Variants in PSMD14 observed in about 807,000 individuals in gnomAD.
PSMD14 encodes ubiquitin C-terminal hydrolase PSMD14.
PSMD14 carries 7 observed loss-of-function variants against 41.2 expected under a neutral mutation model. The observed-to-expected ratio is 0.17, with a 90% CI of 0.10 to 0.32. PSMD14 has a LOEUF of 0.32. Among genes scored for constraint, PSMD14 ranks in the 10% least tolerant of loss-of-function variants. The pLI is 1.00. For synonymous variants in PSMD14, 114 were observed against 122.3 expected (o/e 0.93, Z 0.45); for missense variants, 139 against 375.6 (o/e 0.37, Z 5.21).
chr2:161,321,782 C>G lies in PSMD14; in HGVS notation c.48+2909C>G, dbSNP rs1355039121. 2.6e-5 allele frequency among the ~76,000 whole-genome samples: 4 copies of G among 152,176 alleles called. No homozygotes were observed. In the East Asian group the frequency reaches 7.7e-4, roughly 29 times the overall value. On this transcript the variant is annotated intron_variant, in intron 3 of 11. Coordinates refer to ENST00000409682, the MANE Select transcript of PSMD14 (RefSeq NM_005805.6). ...TAGGAGGACCAGTGAAATGAAGACACACAGGATGGGGTCTGGGAGGAGATG... is the reference window on the plus strand; with the variant it reads ...TAGGAGGACCAGTGAAATGAAGACAGACAGGATGGGGTCTGGGAGGAGATG...
intron 8 of PSMD14, among the ~76,000 whole-genome samples, chr2:161,388,800 C>T (rs1559052695): frequency 6.6e-6 from 1 of 152,012 alleles, no homozygotes. Flanking sequence ...ATATATAATC[C>T]GTAAGCCGTG....
chr2:161,360,187 A>C (rs999660423), intron 3 of PSMD14, among the ~76,000 whole-genome samples: 1 of 124,354 alleles, frequency 8.0e-6, no homozygotes. Context: ...ATATATATGC[A>C]TGTATTTTTT....
intron 8 of PSMD14, among the ~76,000 whole-genome samples, chr2:161,389,883 T>TG (rs1683684947): frequency 2.0e-5 from 1 of 50,480 alleles, no homozygotes; most frequent in Non-Finnish European, 3.8e-5. Flanking sequence ...TTCTTTCTTT[T>TG]TTGTTGTTTT....
Position 161,367,919 on chromosome 2 carries a change from G to T in PSMD14, c.240+16G>T. 6.2e-7 allele frequency: 1 copy of T among 1,604,442 alleles called. No individual in the cohort carries two copies. Among genetic ancestry groups the T allele is most frequent in the Non-Finnish European group, 8.5e-7 (1 of 1,175,328 alleles). Reference sequence around the variant, plus strand: ...GTCAGGAACAGTGAGTACTTTTATGGTTGCCTGCTGCAAGTAAATGTGTTT... The same window carrying T: ...GTCAGGAACAGTGAGTACTTTTATGTTTGCCTGCTGCAAGTAAATGTGTTT... On this transcript the variant is annotated intron_variant, in intron 5 of 11. Transcript: ENST00000409682.
rs560900528 is a variant in PSMD14 at position 161,311,588 on chromosome 2, A to G, written c.-138+2984A>G. Among the ~76,000 whole-genome samples, 27 of 150,022 alleles carry G rather than the reference A, an allele frequency of 1.8e-4. No homozygotes were observed. In the South Asian group the frequency reaches 5.3e-3, roughly 29 times the overall value. On this transcript the variant is annotated intron_variant, in intron 1 of 11. Transcript: ENST00000409682. ...ATGGATGCTGAAATTAGGAGACTCC[A>G]TAATAGATTATTATGATGAGTCTGT...
intron 10 of PSMD14, among the ~76,000 whole-genome samples, chr2:161,400,650 C>G (rs1458194477): frequency 6.6e-6 from 1 of 152,118 alleles, no homozygotes; most frequent in Non-Finnish European, 1.5e-5. Flanking sequence ...ACCTCTTGGG[C>G]TCAAGCAATC....
intron 3 of PSMD14, among the ~76,000 whole-genome samples, chr2:161,342,548 CT>C (rs1282103093): frequency 6.6e-6 from 1 of 151,172 alleles, no homozygotes; most frequent in African/African-American, 2.4e-5. Flanking sequence ...CTATTTGGAT[CT>C]TTATTTAACC....
intron 3 of PSMD14, among the ~76,000 whole-genome samples, chr2:161,343,589 A>G (rs1682997927): frequency 6.6e-6 from 1 of 152,142 alleles, no homozygotes. Flanking sequence ...GCACTTTGGG[A>G]GGCCAAGGTG....
intron 3 of PSMD14, among the ~76,000 whole-genome samples, chr2:161,344,184 T>G (rs1683009588): frequency 6.6e-6 from 1 of 152,094 alleles, no homozygotes; most frequent in Non-Finnish European, 1.5e-5. Context: ...ATGACTATAC[T>G]CAGAAGTGAA....
intron 10 of PSMD14, among the ~76,000 whole-genome samples, chr2:161,400,463 A>G (rs755756683): frequency 2.0e-5 from 3 of 152,232 alleles, no homozygotes; most frequent in Non-Finnish European, 2.9e-5. Context: ...GGCCACTTAT[A>G]CATGGATTTT....
intron 7 of PSMD14, chr2:161,384,479 T>A (rs1347231788): frequency 6.6e-6 from 1 of 151,740 alleles, no homozygotes; most frequent in Non-Finnish European, 1.5e-5. Context: ...ACAAATCTAG[T>A]TGACACAGCT....
At chr2:161,371,024 C>A in intron 6 of PSMD14, 148 bp from the exon 7 acceptor site, 2 of 826,024 alleles carry the variant, frequency 2.4e-6, no homozygotes, top group Non-Finnish European at 3.7e-6. Context: ...ATATGGTGTA[C>A]AATTTCAGGG....
intron 8 of PSMD14, among the ~76,000 whole-genome samples, chr2:161,386,146 A>T: frequency 6.6e-6 from 1 of 151,872 alleles, no homozygotes; most frequent in East Asian, 1.9e-4. Context: ...CAGACACTTA[A>T]TATCCTCTTG....
chr2:161,368,003 C>A, intron 5 of PSMD14, 100 bp downstream of exon 5: 1 of 1,314,520 alleles, frequency 7.6e-7, no homozygotes, highest in Non-Finnish European at 1.0e-6. Context: ...TTTCTCTTTC[C>A]AGTAGGAAAA....
At chr2:161,377,639 G>T (rs1683520775) in intron 7 of PSMD14, among the ~76,000 whole-genome samples, 1 of 151,824 alleles carries the variant, frequency 6.6e-6, no homozygotes, top group Non-Finnish European at 1.5e-5. Context: ...TTAACCTAGA[G>T]CTTCTATATT....
intron 11 of PSMD14, among the ~76,000 whole-genome samples, chr2:161,410,016 T>C (rs1197802846): frequency 6.6e-6 from 1 of 152,058 alleles, no homozygotes; most frequent in Non-Finnish European, 1.5e-5. Context: ...TTGATACAGA[T>C]TTAAAGCAGC....
At chr2:161,387,632 C>T (rs1158831301) in intron 8 of PSMD14, among the ~76,000 whole-genome samples, 2 of 151,830 alleles carry the variant, frequency 1.3e-5, no homozygotes, top group African/African-American at 4.8e-5. Flanking sequence ...GATTATAAAA[C>T]AGAATATATC....
intron 10 of PSMD14, among the ~76,000 whole-genome samples, chr2:161,399,268 G>A (rs553059379): frequency 3.1e-4 from 47 of 152,128 alleles, no homozygotes; most frequent in Middle Eastern, 3.4e-3. Context: ...GAATATTAAC[G>A]TGAGCTTTGA....
At chr2:161,328,884 A>G (rs967776307) in intron 3 of PSMD14, among the ~76,000 whole-genome samples, 1 of 152,158 alleles carries the variant, frequency 6.6e-6, no homozygotes, top group Non-Finnish European at 1.5e-5. Flanking sequence ...AAGTCATGGA[A>G]TAACACTAAA....
Sources: allele counts gnomAD v4.1 joint callset (sites outside exome capture counted in the v4.1 genomes callset), GRCh38; gene constraint gnomAD v4.1.1; transcripts MANE v1.5; gene names NCBI Gene and HGNC (gene_info 2026-07-23, HGNC 2026-07-21).